STPG2: variants seen among roughly 807,000 people sequenced by gnomAD.
STPG2 encodes the protein sperm-tail PG-rich repeat-containing protein 2.
In STPG2, 56 loss-of-function variants were observed where a neutral mutation model predicts 54.2. That is an observed-to-expected ratio of 1.03 (90% CI 0.83 to 1.29). The LOEUF (loss-of-function observed/expected upper bound fraction) is 1.29, where lower values mean the gene tolerates loss of function less well. Among genes scored for constraint, STPG2 ranks in the 50% most tolerant of loss-of-function variants. The pLI is 0.00. For missense variants in STPG2, 596 were observed against 544.9 expected, an observed-to-expected ratio of 1.09 and a Z score of -0.93; for synonymous variants, 200 against 181.8, an observed-to-expected ratio of 1.10 and a Z score of -0.81.
At chr4:97,781,671 C>T (rs1726620008) in intron 9 of STPG2, among the ~76,000 whole-genome samples, 1 of 152,086 alleles carries the variant, frequency 6.6e-6, no homozygotes, top group Admixed American at 6.6e-5. Flanking sequence ...AACATCAATG[C>T]AAAAATCATG....
At chr4:97,573,383 AATTCTGTCAGATGC>A (rs1412043487) in intron 10 of STPG2, among the ~76,000 whole-genome samples, 8 of 152,094 alleles carry the variant, frequency 5.3e-5, no homozygotes, top group Non-Finnish European at 8.8e-5. Context: ...CAATTCTGGC[AATTCTGTCAGATGC>A]CTAAAGTCAA....
chr4:97,745,291 C>T (rs1725390324), intron 9 of STPG2, among the ~76,000 whole-genome samples: 1 of 146,584 alleles, frequency 6.8e-6, no homozygotes, highest in African/African-American at 2.5e-5. Context: ...CAGAAAAGTG[C>T]CCTAAATTGG....
intron 8 of STPG2, among the ~76,000 whole-genome samples, chr4:97,848,561 C>T (rs1253253665): frequency 6.6e-6 from 1 of 152,086 alleles, no homozygotes; most frequent in Non-Finnish European, 1.5e-5. Flanking sequence ...GGTTGTGACC[C>T]TCATCCTTAT....
At chr4:97,627,963 T>C (rs529101603) in intron 10 of STPG2, among the ~76,000 whole-genome samples, 1 of 152,240 alleles carries the variant, frequency 6.6e-6, no homozygotes, top group South Asian at 2.1e-4. Context: ...CTTTTTGTCC[T>C]ATTCAGACAT....
intron 8 of STPG2, among the ~76,000 whole-genome samples, chr4:97,876,655 T>C (rs1232189341): frequency 6.6e-6 from 1 of 152,066 alleles, no homozygotes; most frequent in Non-Finnish European, 1.5e-5. Context: ...TATTCTACTC[T>C]ATGTAAGTTT....
intron 9 of STPG2, among the ~76,000 whole-genome samples, chr4:97,806,945 G>A (rs1171516373): frequency 6.6e-6 from 1 of 151,938 alleles, no homozygotes; most frequent in African/African-American, 2.4e-5. Flanking sequence ...TCAAATAACA[G>A]GTGAGCTAAT....
intron 9 of STPG2, among the ~76,000 whole-genome samples, chr4:97,740,342 T>A (rs1267302622): frequency 6.6e-6 from 1 of 152,122 alleles, no homozygotes; most frequent in African/African-American, 2.4e-5. Context: ...CTATTCAACA[T>A]AGTGTTGGAA....
At chr4:97,547,966 C>T (rs544558563) in intron 4 of STPG2, among the ~76,000 whole-genome samples, 2 of 151,972 alleles carry the variant, frequency 1.3e-5, no homozygotes, top group Middle Eastern at 3.4e-3. Context: ...GCCTGACCAA[C>T]GTGGAGAAAC....
chr4:97,863,434 C>G (rs1354291774), intron 8 of STPG2, among the ~76,000 whole-genome samples: 1 of 152,154 alleles, frequency 6.6e-6, no homozygotes, highest in Non-Finnish European at 1.5e-5. Flanking sequence ...ATAACAGGCT[C>G]TGAAATTGAT....
intron 5 of STPG2, among the ~76,000 whole-genome samples, chr4:98,041,692 C>T (rs182879763): frequency 6.0e-4 from 91 of 151,980 alleles, no homozygotes; most frequent in Admixed American, 2.8e-3. Context: ...CCCACTTGAT[C>T]GTGGTGTATT....
chr4:97,464,333 A>C (rs1371822710), intron 4 of STPG2, among the ~76,000 whole-genome samples: 7 of 152,188 alleles, frequency 4.6e-5, no homozygotes, highest in Admixed American at 4.6e-4. Context: ...GAGATTACTT[A>C]ATACTTTGGA....
chr4:98,025,679 T>C, intron 5 of STPG2: 1 of 1,092,596 alleles, frequency 9.2e-7, no homozygotes, highest in Non-Finnish European at 1.4e-6. Flanking sequence ...TGTTGCAGCG[T>C]ATTGTACTGG....
At chr4:97,808,645 A>C in intron 9 of STPG2, among the ~76,000 whole-genome samples, 1 of 151,012 alleles carries the variant, frequency 6.6e-6, no homozygotes, top group Middle Eastern at 3.4e-3. Flanking sequence ...TTTACTAAAA[A>C]GTTCTAATTA....
rs553921684 is a variant in STPG2, at chr4:97,981,440, A to T, written c.613-122T>A. 367 of 971,634 alleles carry T rather than the reference A, an allele frequency of 3.8e-4. 1 individual carries two copies. In the African/African-American group the frequency reaches 5.5e-3, roughly 14 times the overall value. The allele number at this position is 971,634 out of a possible 1,614,324, so 60.2% of individuals were successfully genotyped here. ...GTTAATTTATTTCTTAATGGAGTGA[A>T]GAAAATGTAGATGAACTAAGATCTT... is the stretch of plus-strand genomic sequence containing the variant. On this transcript the variant is annotated intron_variant, in intron 5 of 10. Transcript: ENST00000295268.
At chr4:97,452,899 G>A (rs920124503) in intron 4 of STPG2, among the ~76,000 whole-genome samples, 4 of 152,170 alleles carry the variant, frequency 2.6e-5, no homozygotes, top group African/African-American at 7.2e-5. Flanking sequence ...TCCTGCAAGC[G>A]TTCTATTGCT....
chr4:98,077,085 TTTTG>T (rs1738189929), intron 5 of STPG2, among the ~76,000 whole-genome samples: 1 of 152,172 alleles, frequency 6.6e-6, no homozygotes, highest in Admixed American at 6.5e-5. Flanking sequence ...AATACTAAGA[TTTTG>T]TTTGCCTAGT....
At chr4:97,548,629 AATTG>A (rs1168142124) in intron 4 of STPG2, among the ~76,000 whole-genome samples, 2 of 152,300 alleles carry the variant, frequency 1.3e-5, no homozygotes, top group East Asian at 1.9e-4. Context: ...CTATATTTTA[AATTG>A]ATTTAGTTCT....
intron 8 of STPG2, among the ~76,000 whole-genome samples, chr4:97,902,535 T>A (rs1335120441): frequency 6.6e-6 from 1 of 152,122 alleles, no homozygotes; most frequent in Non-Finnish European, 1.5e-5. Context: ...CCAATAGATA[T>A]ATGAACTAAT....
intron 8 of STPG2, among the ~76,000 whole-genome samples, chr4:97,873,860 C>T (rs1010895705): frequency 6.6e-6 from 1 of 151,342 alleles, no homozygotes; most frequent in Admixed American, 6.6e-5. Context: ...CAATAAATAG[C>T]CTTGGGCTTT....
Sources: gnomAD v4.1 joint callset for allele counts (sites outside exome capture counted in the v4.1 genomes callset) on GRCh38, gnomAD v4.1.1 for gene constraint, MANE v1.5 for transcripts, NCBI Gene and HGNC (gene_info 2026-07-23, HGNC 2026-07-21) for gene names.